TH: variants seen among roughly 807,000 people sequenced by gnomAD.
TH encodes tyrosine hydroxylase.
A neutral mutation model predicts 57.4 loss-of-function variants in TH; 49 were observed. That is an observed-to-expected ratio of 0.85 (90% confidence interval 0.68 to 1.08). The LOEUF (loss-of-function observed/expected upper bound fraction) is 1.08, where lower values mean the gene tolerates loss of function less well. TH is among the 50% of genes least tolerant of loss of function. TH has a pLI of 0.00. For synonymous variants in TH, 330 were observed against 304.5 expected, an observed-to-expected ratio of 1.08 and a Z score of -0.87; for missense variants, 720 against 696.7, an observed-to-expected ratio of 1.03 and a Z score of -0.38.
At chr11:2,167,673 C>T in intron 5 of TH, 188 bp from the exon 6 acceptor site, 1 of 1,070,364 alleles carries the variant, frequency 9.3e-7, no homozygotes, top group Non-Finnish European at 1.4e-6. Context: ...CGGCAGGTTG[C>T]TCTAGCCCCC....
chr11:2,165,544 C>A, intron 11 of TH, 124 bp downstream of exon 11: 1 of 1,357,654 alleles, frequency 7.4e-7, no homozygotes, highest in Non-Finnish European at 1.0e-6. Flanking sequence ...AGCCTTCTCC[C>A]AAACAGAGCC....
rs1052634641 is a variant in TH at position 2,171,180 on chromosome 11, GC to G, written c.90+516del. ...AGAGCCCAGATACCCTTTGAATTTT[GC>G]CCCCTATTTGCCCAGGACCCCCCAC... On this transcript the variant is annotated intron_variant, in intron 1 of 12. Transcript: ENST00000352909. This position sits in a 1 kb window ranked among gnomAD's most constrained non-coding sequence, Gnocchi z 8.6. 2.0e-5 allele frequency among the ~76,000 whole-genome samples: 3 copies of G among 151,928 alleles called. No individual in the cohort carries two copies. The highest frequency in any genetic ancestry group is 4.4e-5 in the Non-Finnish European group (3 of 67,972).
intron 12 of TH, 92 bp from the exon 13 acceptor site, chr11:2,164,484 C>T: frequency 7.0e-7 from 1 of 1,437,272 alleles, no homozygotes; most frequent in Non-Finnish European, 9.3e-7. Flanking sequence ...TTTCCACCTT[C>T]ACAGTGGCTC....
At chr11:2,166,419 C>T (rs1236340073) in intron 9 of TH, 61 bp downstream of exon 9, 1 of 1,522,180 alleles carries the variant, frequency 6.6e-7, no homozygotes, top group Non-Finnish European at 8.8e-7. Context: ...CGATCCCCGC[C>T]CGCCCCCGGC....
rs202149985 is a variant in TH at position 2,167,883 on chromosome 11, G to C, written c.627C>G (p.Ile209Met). ...YRQRRKLIAE[I>M]AFQYRHGDPI... ...CCCCTCACTGCCTGTACTGGAAGGC[G>C]ATCTCAGCAATCAGCTTCCTGCGCT... The change falls in exon 5 of 13, where the codon ATC becomes ATG. Residue 209 changes from isoleucine to methionine, a missense_variant. Transcript: ENST00000352909. The C allele has an allele frequency of 2.7e-4, 430 of 1,608,870 alleles. 1 individual carries two copies. The East Asian group carries it at 6.0e-3, about 22-fold the overall frequency.
intron 2 of TH, 103 bp from the exon 3 acceptor site, chr11:2,168,768 G>C: frequency 7.3e-7 from 1 of 1,370,504 alleles, no homozygotes; most frequent in Non-Finnish European, 1.0e-6. Flanking sequence ...TGGCTGGCCA[G>C]GCCCTGCCCT....
intron 2 of TH, among the ~76,000 whole-genome samples, 157 bp downstream of exon 2, chr11:2,169,493 G>T (rs989386843): frequency 2.0e-5 from 3 of 152,088 alleles, no homozygotes; most frequent in Admixed American, 2.0e-4. Flanking sequence ...AGATGCCATG[G>T]GGGCTGAGCT....
Position 2,166,967 on chromosome 11 carries a change from G to A in TH, c.761C>T (p.Ala254Val). ...ATHACGEHLEAFALLERFSGY... is the reference protein window; with the variant it reads ...ATHACGEHLEVFALLERFSGY... Reference sequence around the variant, plus strand: ...GCTGAAGCGCTCCAGCAAAGCAAAGGCCTCCAGGTGCTCCCCGCAGGCGTG... The same window carrying A: ...GCTGAAGCGCTCCAGCAAAGCAAAGACCTCCAGGTGCTCCCCGCAGGCGTG... The change falls in exon 7 of 13, where the codon GCC (alanine) becomes GTC (valine). Residue 254 changes from alanine (A) to valine (V), a missense_variant. Physicochemically the swap from Ala to Val is moderately conservative, Grantham distance 64 (BLOSUM62 0). Coordinates refer to ENST00000352909, the MANE Select transcript of TH (RefSeq NM_000360.4). 3 of 1,594,524 alleles carry A rather than the reference G, an allele frequency of 1.9e-6. No homozygotes were observed. Among genetic ancestry groups the A allele is most frequent in the South Asian group, 1.1e-5 (1 of 87,920 alleles).
rs909564721 is a variant in TH at position 2,166,399 on chromosome 11, A to G, written c.1047+81T>C. On this transcript the variant is annotated intron_variant, in intron 9 of 12. Transcript: ENST00000352909. Reference sequence around the variant, plus strand: ...CGGGAGCAGGCAGCACACTTCACCCACCCGCACATCGATCCCCGCCCGCCC... The same window carrying G: ...CGGGAGCAGGCAGCACACTTCACCCGCCCGCACATCGATCCCCGCCCGCCC... The G allele has an allele frequency of 1.1e-5, 17 of 1,493,466 alleles. No homozygotes were observed. In the African/African-American group the frequency reaches 1.5e-4, roughly 13 times the overall value. The allele number at this position is 1,493,466 out of a possible 1,614,324, so 92.5% of individuals were successfully genotyped here. A position where few individuals can be genotyped will look rare whatever the true frequency, so the allele number is the denominator to read the frequency against.
intron 12 of TH, 108 bp downstream of exon 12, chr11:2,165,124 A>G: frequency 6.4e-7 from 1 of 1,565,656 alleles, no homozygotes; most frequent in Non-Finnish European, 8.7e-7. Context: ...CGGTTTTCTC[A>G]TCTGTGACCT....
chr11:2,167,511 G>A (rs377311201), intron 5 of TH, 26 bp from the exon 6 acceptor site: 22 of 1,552,168 alleles, frequency 1.4e-5, no homozygotes, highest in Non-Finnish European at 1.7e-5. Context: ...GTGGTCAGCA[G>A]GTCCCCTCGG....
rs1228673367 is a variant in TH at position 2,166,580 on chromosome 11, G to T, written c.978-31C>A. On this transcript the variant is annotated intron_variant, in intron 8 of 12. Coordinates refer to ENST00000352909, the MANE Select transcript of TH (RefSeq NM_000360.4). ...CGTAGGAGGGAGAAGGGGGCTGAGGGGCCGCCCGTCGCACCCCCCACCCTC... is the reference window on the plus strand; with the variant it reads ...CGTAGGAGGGAGAAGGGGGCTGAGGTGCCGCCCGTCGCACCCCCCACCCTC... 4.4e-6 allele frequency: 7 copies of T among 1,590,364 alleles called. No individual in the cohort carries two copies. The East Asian group carries it at 1.6e-4, about 36-fold the overall frequency.
chr11:2,170,856 G>T lies in TH; in HGVS notation c.90+841C>A. 1.5e-6 allele frequency: 1 copy of T among 654,480 alleles called. No homozygotes were observed. Among genetic ancestry groups the T allele is most frequent in the South Asian group, 1.8e-5 (1 of 54,560 alleles). The allele number at this position is 654,480 out of a possible 1,614,324, so 40.5% of individuals were successfully genotyped here. On this transcript the variant is annotated intron_variant, in intron 1 of 12. Transcript: ENST00000352909. This position sits in a 1 kb window ranked among gnomAD's most constrained non-coding sequence, Gnocchi z 6.0. Reference sequence around the variant, plus strand: ...ACGGGGGAGGGCGCCCTGTGTCCCTGAGAAGGTACCTGGAAATGACACTGC... The same window carrying T: ...ACGGGGGAGGGCGCCCTGTGTCCCTTAGAAGGTACCTGGAAATGACACTGC...
chr11:2,166,000 A>C lies in TH; in HGVS notation c.1104+2T>G. The C allele has an allele frequency of 1.9e-6, 3 of 1,560,808 alleles. No homozygotes were observed. Among genetic ancestry groups the C allele is most frequent in the Non-Finnish European group, 2.6e-6 (3 of 1,152,786 alleles). On this transcript the variant is annotated splice_donor_variant, in intron 10 of 12. Coordinates refer to ENST00000352909, the MANE Select transcript of TH (RefSeq NM_000360.4). LOFTEE classifies it high-confidence loss of function. ...AGGCCCTGCAGGGAGGGGTCAACCC[A>C]CCGTGGACAGCTTCTCAATTTCCTC...
In TH at chr11:2,169,542, C is replaced by T. The variant is rs564773405; in HGVS notation, c.312+108G>A. 1.7e-4 allele frequency: 187 copies of T among 1,126,402 alleles called. No individual in the cohort carries two copies. In the African/African-American group the frequency reaches 2.2e-3, roughly 13 times the overall value. The allele number at this position is 1,126,402 out of a possible 1,614,324, so 69.8% of individuals were successfully genotyped here. Reference sequence around the variant, plus strand: ...CCCCTGCTGCATCCTGTGCCGGCCTCGGGGGCCTGGGCAGCTGCACCTCTG... The same window carrying T: ...CCCCTGCTGCATCCTGTGCCGGCCTTGGGGGCCTGGGCAGCTGCACCTCTG... On this transcript the variant is annotated intron_variant, in intron 2 of 12. Transcript: ENST00000352909.
At position 2,170,654 on chromosome 11, in the gene TH, C is replaced by T. The variant is rs767468642; in HGVS notation, c.91-783G>A. 10 of 1,482,928 alleles carry T rather than the reference C, an allele frequency of 6.7e-6. No individual in the cohort carries two copies. The highest frequency in any genetic ancestry group is 1.7e-4 in the Middle Eastern group (1 of 5,856). 91.9% of individuals were successfully genotyped at this position (1,482,928 alleles called of 1,614,324 possible). A position where few individuals can be genotyped will look rare whatever the true frequency, so the allele number is the denominator to read the frequency against. On this transcript the variant is annotated intron_variant, in intron 1 of 12. Coordinates refer to ENST00000352909, the MANE Select transcript of TH (RefSeq NM_000360.4). This position sits in a 1 kb window ranked among gnomAD's most constrained non-coding sequence, Gnocchi z 6.0. ...CAGGGTTGTGGAACATGAAGGGGAGCAGCAGAAGCCCCTCCCAGAGTCCCC... is the reference window on the plus strand; with the variant it reads ...CAGGGTTGTGGAACATGAAGGGGAGTAGCAGAAGCCCCTCCCAGAGTCCCC...
Position 2,165,249 on chromosome 11 carries a change from G to GT in TH, c.1316dup (p.Asp439GlufsTer47). The stretch of plus-strand genomic sequence containing the variant: ...TAGCCCACCTGAGCTTGTCCTTGGC[G>GT]TCACTGAAGCTCTCAGACACGAAGT... On this transcript the variant is annotated frameshift_variant, in exon 12 of 13. Transcript: ENST00000352909. LOFTEE classifies it low-confidence loss of function (END_TRUNC). 6.2e-7 allele frequency: 1 copy of GT among 1,612,902 alleles called. No individual in the cohort carries two copies. Among genetic ancestry groups the GT allele is most frequent in the Non-Finnish European group, 8.5e-7 (1 of 1,179,990 alleles).
rs1036416952 is a variant in TH, at chr11:2,166,354, C to T, written c.1047+126G>A. 6.2e-6 allele frequency: 8 copies of T among 1,298,064 alleles called. No individual in the cohort carries two copies. The South Asian group carries it at 1.2e-4, about 19-fold the overall frequency. The allele number at this position is 1,298,064 out of a possible 1,614,324, so 80.4% of individuals were successfully genotyped here. On this transcript the variant is annotated intron_variant, in intron 9 of 12. Coordinates refer to ENST00000352909, the MANE Select transcript of TH (RefSeq NM_000360.4). ...CTATGCCGCGCGACCCTCGGGGCGC[C>T]GAGCCTCCTTGGCGGGGCCCGGGAG... is the stretch of plus-strand genomic sequence containing the variant.
chr11:2,165,418 G>T, intron 11 of TH, 53 bp from the exon 12 acceptor site: 1 of 1,602,218 alleles, frequency 6.2e-7, no homozygotes, highest in South Asian at 1.1e-5. Flanking sequence ...GTCCCCGAGG[G>T]AACTGGGGCA....
Sources: gnomAD v4.1 joint callset for allele counts (sites outside exome capture counted in the v4.1 genomes callset) on GRCh38, gnomAD v4.1.1 for gene constraint, Gnocchi (gnomAD v3.1) non-coding constraint, MANE v1.5 for transcripts, NCBI Gene and HGNC (gene_info 2026-07-23, HGNC 2026-07-21) for gene names.